The following PARD3B variants were observed in gnomAD, a reference collection of about 807,000 sequenced individuals.
PARD3B encodes the protein par-3 family cell polarity regulator beta, also known as partitioning defective 3 homolog B.
In PARD3B, 103 loss-of-function variants were observed where a neutral mutation model predicts 130.2. The ratio of observed to expected loss-of-function variants is 0.79; its 90% CI spans 0.67 to 0.93. The LOEUF (loss-of-function observed/expected upper bound fraction) is 0.93. Among genes scored for constraint, PARD3B ranks in the 40% least tolerant of loss-of-function variants. The pLI is 0.00. For synonymous variants in PARD3B, 583 were observed against 553.2 expected, an observed-to-expected ratio of 1.05 and a Z score of -0.76; for missense variants, 1,609 against 1,499.2, an observed-to-expected ratio of 1.07 and a Z score of -1.21.
intron 4 of PARD3B, among the ~76,000 whole-genome samples, chr2:205,051,908 A>G (rs1439923647): frequency 3.9e-5 from 6 of 152,260 alleles, no homozygotes; most frequent in South Asian, 2.1e-4. Flanking sequence ...GAATAGTACA[A>G]TCATTAATGT....
chr2:204,866,676 T>C (rs1047242297), intron 2 of PARD3B, among the ~76,000 whole-genome samples: 1 of 151,786 alleles, frequency 6.6e-6, no homozygotes, highest in African/African-American at 2.4e-5. Context: ...TGTGTATATA[T>C]ACATATATAT....
chr2:204,935,455 T>C (rs543618359), intron 2 of PARD3B, among the ~76,000 whole-genome samples: 24 of 149,742 alleles, frequency 1.6e-4, no homozygotes, highest in South Asian at 1.5e-3. Flanking sequence ...AGGAGAATGG[T>C]GTGAACCCGG....
At chr2:205,052,364 T>C (rs2125425375) in intron 4 of PARD3B, among the ~76,000 whole-genome samples, 1 of 148,554 alleles carries the variant, frequency 6.7e-6, no homozygotes, top group Middle Eastern at 3.6e-3. Context: ...TTGTCTTACA[T>C]CACCAAAATA....
chr2:205,214,164 G>T (rs2037792156), intron 15 of PARD3B, among the ~76,000 whole-genome samples: 2 of 151,902 alleles, frequency 1.3e-5, no homozygotes, highest in Admixed American at 1.3e-4. Flanking sequence ...CCTTTTGGTT[G>T]CAGAACAGAG....
In PARD3B at chr2:205,421,954, G is replaced by C. The variant is rs2046986398; in HGVS notation, c.2742-18416G>C. 6.6e-6 allele frequency among the ~76,000 whole-genome samples: 1 copy of C among 152,144 alleles called. No individual in the cohort carries two copies. The highest frequency in any genetic ancestry group is 1.5e-5 in the Non-Finnish European group (1 of 68,036). ...ATCATCACATTATTGAGTGCCTACT[G>C]TCTGCCAGGCACTGTGCTAGATATT... On this transcript the variant is annotated intron_variant, in intron 19 of 22. Coordinates refer to ENST00000406610, the MANE Select transcript of PARD3B (RefSeq NM_001302769.2). This position sits in a 1 kb window ranked among gnomAD's most constrained non-coding sequence, Gnocchi z 5.1.
rs541143643 is a variant in PARD3B, at chr2:204,749,253, T to C, written c.222+62971T>C. 2.0e-5 allele frequency among the ~76,000 whole-genome samples: 3 copies of C among 152,278 alleles called. No individual in the cohort carries two copies. The South Asian group carries it at 6.2e-4, about 32-fold the overall frequency. On this transcript the variant is annotated intron_variant, in intron 2 of 22. Transcript: ENST00000406610. ...TTAAAGCCATGGTTTCTAAGGGTAT[T>C]GAAGCAGAGAACTCATTTTAATGAC...
At chr2:204,739,358 ATCTG>A (rs2039896684) in intron 2 of PARD3B, among the ~76,000 whole-genome samples, 1 of 152,098 alleles carries the variant, frequency 6.6e-6, no homozygotes, top group Non-Finnish European at 1.5e-5. Context: ...GTGCCATGGC[ATCTG>A]TCTATTTATT....
intron 2 of PARD3B, among the ~76,000 whole-genome samples, chr2:204,893,547 T>G (rs2046527372): frequency 6.6e-6 from 1 of 152,216 alleles, no homozygotes; most frequent in Admixed American, 6.5e-5. Context: ...GCCATATATG[T>G]AATTTTAAAT....
At chr2:205,205,705 A>G (rs1021966599) in intron 15 of PARD3B, among the ~76,000 whole-genome samples, 4 of 152,158 alleles carry the variant, frequency 2.6e-5, no homozygotes, top group African/African-American at 9.7e-5. Context: ...TGAGATAATC[A>G]TGTGGTTTTT....
chr2:205,225,105 G>T (rs145470715), intron 15 of PARD3B, among the ~76,000 whole-genome samples: 1,642 of 152,136 alleles, frequency 0.011, 31 homozygotes, highest in African/African-American at 0.037. Context: ...TGATTTCCTT[G>T]CTTTTGGGTA....
intron 4 of PARD3B, among the ~76,000 whole-genome samples, chr2:205,057,113 A>C (rs1699689032): frequency 6.6e-6 from 1 of 151,468 alleles, no homozygotes; most frequent in African/African-American, 2.4e-5. Flanking sequence ...ATAATTTGTA[A>C]TTTGTCCACC....
intron 1 of PARD3B, among the ~76,000 whole-genome samples, chr2:204,682,087 A>G (rs1236183009): frequency 1.3e-5 from 2 of 152,066 alleles, no homozygotes; most frequent in African/African-American, 2.4e-5. Flanking sequence ...TTTGACCTCT[A>G]TGAGGTGCAT....
chr2:205,491,436 C>A (rs1462895712), intron 20 of PARD3B, among the ~76,000 whole-genome samples: 1 of 152,120 alleles, frequency 6.6e-6, no homozygotes, highest in East Asian at 1.9e-4. Flanking sequence ...AGCATTATTT[C>A]TGAGGGTTCT....
intron 21 of PARD3B, among the ~76,000 whole-genome samples, chr2:205,533,342 C>T (rs1298557280): frequency 6.6e-6 from 1 of 152,134 alleles, no homozygotes; most frequent in African/African-American, 2.4e-5. Context: ...TGACAGAAGA[C>T]AAATAATGAA....
intron 2 of PARD3B, among the ~76,000 whole-genome samples, chr2:204,883,455 A>ATATATATATATTTTTTTTTT (rs1377428928): frequency 1.0e-4 from 8 of 77,276 alleles, no homozygotes; most frequent in East Asian, 3.8e-4. Flanking sequence ...ATATATATAT[A>ATATATATATATTTTTTTTTT]TTTTTTTTTT....
chr2:205,063,330 A>T (rs1298963141), intron 4 of PARD3B, among the ~76,000 whole-genome samples: 3 of 151,894 alleles, frequency 2.0e-5, no homozygotes, highest in African/African-American at 4.8e-5. Flanking sequence ...TAAAAAATAT[A>T]AAAAAATAAA....
chr2:204,795,278 G>C (rs1433917358), intron 2 of PARD3B, among the ~76,000 whole-genome samples: 2 of 152,180 alleles, frequency 1.3e-5, no homozygotes, highest in African/African-American at 2.4e-5. Flanking sequence ...GATAGTGATT[G>C]AGTCATTTTG....
intron 3 of PARD3B, among the ~76,000 whole-genome samples, chr2:205,036,372 A>ATATAGCAGACTATATAAAAAATATACG: frequency 1.1e-5 from 1 of 94,048 alleles, no homozygotes; most frequent in Non-Finnish European, 2.6e-5. Context: ...TATATAAAAT[A>ATATAGCAGACTATATAAAAAATATACG]TATATAGCAG....
chr2:205,193,714 T>C (rs2036520999), intron 15 of PARD3B, among the ~76,000 whole-genome samples: 1 of 152,204 alleles, frequency 6.6e-6, no homozygotes. Flanking sequence ...GAAAATCATG[T>C]GGTTCAAAGC....
Sources: gnomAD v4.1 joint callset for allele counts (sites outside exome capture counted in the v4.1 genomes callset) on GRCh38, gnomAD v4.1.1 for gene constraint, Gnocchi (gnomAD v3.1) non-coding constraint, MANE v1.5 for transcripts, NCBI Gene and HGNC (gene_info 2026-07-23, HGNC 2026-07-21) for gene names.